DHRS3: variants seen among roughly 807,000 people sequenced by gnomAD.
DHRS3 encodes the protein dehydrogenase/reductase 3.
DHRS3 carries 14 observed loss-of-function variants against 27.2 expected under a neutral mutation model. The ratio of observed to expected loss-of-function variants is 0.52; its 90% confidence interval spans 0.34 to 0.81. The LOEUF is 0.81. DHRS3 is among the 30% of genes least tolerant of loss of function. The probability of loss-of-function intolerance (pLI) is 0.01; values close to 1 mark genes in which losing one functional copy is unlikely to be tolerated. For missense variants in DHRS3, 322 were observed against 406.2 expected (o/e 0.79, Z 1.78); for synonymous variants, 165 against 175.9 (o/e 0.94, Z 0.49).
intron 4 of DHRS3, among the ~76,000 whole-genome samples, chr1:12,575,735 C>T (rs1370793077): frequency 6.6e-6 from 1 of 152,044 alleles, no homozygotes; most frequent in Non-Finnish European, 1.5e-5. Context: ...GAGGTGGGGT[C>T]TTGCTGTGTT....
intron 1 of DHRS3, among the ~76,000 whole-genome samples, chr1:12,600,998 G>A (rs756085876): frequency 5.3e-5 from 8 of 151,638 alleles, no homozygotes; most frequent in South Asian, 2.1e-4. Context: ...GTTGGGGGGC[G>A]CGGTGGTAAG....
chr1:12,610,888 A>G (rs914610062), intron 1 of DHRS3, among the ~76,000 whole-genome samples: 3 of 152,192 alleles, frequency 2.0e-5, no homozygotes, highest in East Asian at 1.9e-4. Context: ...CTTTTGTCCA[A>G]GGATAAGGGA....
chr1:12,590,707 G>T (rs1400514093), intron 1 of DHRS3, among the ~76,000 whole-genome samples: 1 of 152,052 alleles, frequency 6.6e-6, no homozygotes, highest in African/African-American at 2.4e-5. Flanking sequence ...GCACAGCCCT[G>T]GAAGGAAGCC....
intron 1 of DHRS3, among the ~76,000 whole-genome samples, chr1:12,599,238 C>A (rs1012183023): frequency 1.3e-5 from 2 of 152,230 alleles, no homozygotes; most frequent in African/African-American, 4.8e-5. Flanking sequence ...CCCAGAGGGC[C>A]AGGGGATTCA....
At chr1:12,606,614 C>T (rs1377052409) in intron 1 of DHRS3, among the ~76,000 whole-genome samples, 5 of 151,952 alleles carry the variant, frequency 3.3e-5, no homozygotes, top group Admixed American at 1.3e-4. Context: ...CTCAGCCTCC[C>T]GAGTAGCTGA....
At chr1:12,581,328 G>C (rs1646641949) in intron 1 of DHRS3, among the ~76,000 whole-genome samples, 2 of 152,192 alleles carry the variant, frequency 1.3e-5, no homozygotes, top group South Asian at 4.1e-4. Context: ...GCTCCAGAAT[G>C]CTCTCCATTA....
Position 12,574,529 on chromosome 1 carries a change from T to G in DHRS3, c.699-1676A>C, listed in dbSNP as rs1277711339. On this transcript the variant is annotated intron_variant, in intron 4 of 5. Transcript: ENST00000616661. The surrounding 1 kb of genome is among the most constrained non-coding windows in gnomAD (Gnocchi z 4.6). ...GTCAAGAGGGGCCAGCCTCTGCCAT[T>G]CTACAGAGATGAACGTGTTGAGGCA... 6.6e-6 allele frequency among the ~76,000 whole-genome samples: 1 copy of G among 152,144 alleles called. No homozygotes were observed. The highest frequency in any genetic ancestry group is 2.4e-5 in the African/African-American group (1 of 41,416).
chr1:12,610,760 G>C (rs1435730224), intron 1 of DHRS3, among the ~76,000 whole-genome samples: 1 of 152,124 alleles, frequency 6.6e-6, no homozygotes, highest in Non-Finnish European at 1.5e-5. Context: ...TAATCCTCGT[G>C]GTTCATCTGA....
chr1:12,573,667 T>C (rs916288989), intron 4 of DHRS3, among the ~76,000 whole-genome samples: 2 of 152,230 alleles, frequency 1.3e-5, no homozygotes, highest in Non-Finnish European at 2.9e-5. Context: ...CACTGATTCA[T>C]TGATTCAAAG....
At chr1:12,572,189 A>G (rs1646543606) in intron 5 of DHRS3, among the ~76,000 whole-genome samples, 2 of 152,150 alleles carry the variant, frequency 1.3e-5, no homozygotes, top group Non-Finnish European at 2.9e-5. Flanking sequence ...CTTTTTTGAG[A>G]TGGAGTCTTG....
chr1:12,588,736 G>C (rs1055997097), intron 1 of DHRS3, among the ~76,000 whole-genome samples: 9 of 152,214 alleles, frequency 5.9e-5, no homozygotes, highest in African/African-American at 2.2e-4. Context: ...TTGCACTAAT[G>C]CTGGACTTGG....
At chr1:12,581,747 T>C (rs1646645872) in intron 1 of DHRS3, among the ~76,000 whole-genome samples, 1 of 152,060 alleles carries the variant, frequency 6.6e-6, no homozygotes, top group African/African-American at 2.4e-5. Flanking sequence ...TGGAGTCGGA[T>C]GACAGGGGGA....
At chr1:12,569,227 T>TCACACACACACACACACACA (rs1557509296) in intron 5 of DHRS3, among the ~76,000 whole-genome samples, 52 of 136,020 alleles carry the variant, frequency 3.8e-4, no homozygotes, top group African/African-American at 1.4e-3. Flanking sequence ...CCTCTCTCTC[T>TCACACACACACACACACACA]CTCTCACACA....
intron 1 of DHRS3, among the ~76,000 whole-genome samples, chr1:12,598,223 A>G (rs1246924104): frequency 2.0e-5 from 3 of 152,158 alleles, no homozygotes; most frequent in Admixed American, 2.0e-4. Context: ...GCCTGTCTCC[A>G]CTAAAAATAC....
chr1:12,570,299 G>A (rs192020652), intron 5 of DHRS3, among the ~76,000 whole-genome samples: 1 of 152,312 alleles, frequency 6.6e-6, no homozygotes, highest in African/African-American at 2.4e-5. Context: ...GTCCCCACCC[G>A]TTTACTTGTC....
intron 1 of DHRS3, among the ~76,000 whole-genome samples, chr1:12,585,600 G>T (rs988707230): frequency 6.6e-6 from 1 of 152,172 alleles, no homozygotes; most frequent in African/African-American, 2.4e-5. Context: ...CTGTGGAGCT[G>T]CCCCAGCCAC....
At chr1:12,601,852 G>T in intron 1 of DHRS3, among the ~76,000 whole-genome samples, 1 of 152,322 alleles carries the variant, frequency 6.6e-6, no homozygotes, top group South Asian at 2.1e-4. Context: ...AGGTTACTTC[G>T]AGTAGTAAAT....
chr1:12,610,845 G>A (rs543415034), intron 1 of DHRS3, among the ~76,000 whole-genome samples: 2 of 152,310 alleles, frequency 1.3e-5, no homozygotes, highest in African/African-American at 4.8e-5. Context: ...ACAACGGTGA[G>A]CACAGCCTTA....
At chr1:12,613,818 G>A (rs1646925799) in intron 1 of DHRS3, among the ~76,000 whole-genome samples, 1 of 152,120 alleles carries the variant, frequency 6.6e-6, no homozygotes, top group African/African-American at 2.4e-5. Flanking sequence ...CGCCCAGGCT[G>A]GAGTGCAATG....
Sources: allele counts gnomAD v4.1 joint callset (sites outside exome capture counted in the v4.1 genomes callset), GRCh38; gene constraint gnomAD v4.1.1; non-coding constraint Gnocchi (gnomAD v3.1); transcripts MANE v1.5; gene names NCBI Gene and HGNC (gene_info 2026-07-23, HGNC 2026-07-21).